The following NUDT1 variants were observed in gnomAD, a reference collection of about 807,000 sequenced individuals.
NUDT1 encodes the protein nudix hydrolase 1.
NUDT1 carries 16 observed loss-of-function variants against 11.3 expected under a neutral mutation model. The ratio of observed to expected loss-of-function variants is 1.41; its 90% CI spans 0.96 to 2.15. The LOEUF is 2.15. Ranked by LOEUF, NUDT1 falls within the 30% of genes most tolerant of loss-of-function variation. The pLI, the probability that NUDT1 is intolerant of heterozygous loss-of-function variation, is 0.00. For missense variants in NUDT1, 234 were observed against 208.4 expected (o/e 1.12, Z -0.76); for synonymous variants, 101 against 84.4 (o/e 1.20, Z -1.08).
chr7:2,248,799 T>C (rs1386218242), intron 2 of NUDT1, among the ~76,000 whole-genome samples: 2 of 152,098 alleles, frequency 1.3e-5, no homozygotes, highest in Non-Finnish European at 2.9e-5. Context: ...CAATCAATCC[T>C]CCCACCTTGG....
In NUDT1 at chr7:2,244,657, G is replaced by C; in HGVS notation, c.83G>C (p.Gly28Ala). The part of the protein sequence containing the change: ...VLLGMKKRGF[G>A]AGRWNGFGGK... ...CTGGGCATGAAAAAGCGAGGCTTCGGGGCCGGCCGGTGGAATGGCTTTGGG... is the reference window on the plus strand; with the variant it reads ...CTGGGCATGAAAAAGCGAGGCTTCGCGGCCGGCCGGTGGAATGGCTTTGGG... The change falls in exon 2 of 4, where the codon GGG (glycine) becomes GCG (alanine). Residue 28 changes from glycine (G) to alanine (A), a missense_variant. Physicochemically the swap from Gly to Ala is moderately conservative, Grantham distance 60. Transcript: ENST00000356714. 6.2e-7 allele frequency: 1 copy of C among 1,613,908 alleles called. No individual in the cohort carries two copies. Among genetic ancestry groups the C allele is most frequent in the Non-Finnish European group, 8.5e-7 (1 of 1,179,930 alleles).
At position 2,249,984 on chromosome 7, in the gene NUDT1, AC is replaced by A. The variant is rs775493463; in HGVS notation, c.285del (p.Val96TrpfsTer76). On this transcript the variant is annotated frameshift_variant, in exon 3 of 4. Transcript: ENST00000356714. LOFTEE classifies it low-confidence loss of function (END_TRUNC). ...HVFCTDSIQG[T>X]PVESDEMRPC... is the part of the protein sequence containing the mutation. ...CTTCTGCACAGACAGCATCCAGGGG[AC>A]CCCCGTGGAGAGCGACGGTGAGTCT... The A allele has an allele frequency of 1.4e-5, 22 of 1,613,266 alleles. No homozygotes were observed. Among genetic ancestry groups the A allele is most frequent in the Admixed American group, 8.3e-5 (5 of 59,920 alleles).
chr7:2,244,946 C>T (rs34510418), intron 2 of NUDT1, among the ~76,000 whole-genome samples: 71 of 152,314 alleles, frequency 4.7e-4, no homozygotes, highest in African/African-American at 1.7e-3. Context: ...GGACTTAGAA[C>T]GGTGCGCGGT....
rs373334096 is a variant in NUDT1, at chr7:2,250,624, AT to A, written c.299-198del. Among the ~76,000 whole-genome samples, 8 of 151,498 alleles carry A rather than the reference AT, an allele frequency of 5.3e-5. No homozygotes were observed. In the East Asian group the frequency reaches 7.8e-4, roughly 15 times the overall value. The stretch of plus-strand genomic sequence containing the variant: ...AGGCGCCCGCCACCACGCCCGGCTA[AT>A]TTTTTTGTATTTTTAGTAGAGACGG... On this transcript the variant is annotated intron_variant, in intron 3 of 3. Transcript: ENST00000356714.
chr7:2,247,659 C>G (rs1794824029), intron 2 of NUDT1, among the ~76,000 whole-genome samples: 1 of 152,212 alleles, frequency 6.6e-6, no homozygotes, highest in Non-Finnish European at 1.5e-5. Flanking sequence ...AACCGAGTGC[C>G]ATGGACAGAG....
chr7:2,242,689 G>A lies in NUDT1; in HGVS notation c.-13+433G>A. The A allele has an allele frequency of 7.2e-6, 3 of 416,012 alleles. No individual in the cohort carries two copies. The East Asian group carries it at 1.3e-4, about 17-fold the overall frequency. 25.8% of individuals were successfully genotyped at this position (416,012 alleles called of 1,614,324 possible). A position where few individuals can be genotyped will look rare whatever the true frequency, so the allele number is the denominator to read the frequency against. On this transcript the variant is annotated intron_variant, in intron 1 of 3. Transcript: ENST00000356714. ...TCCTCGAAGGGCGTGCGATGAGGAT[G>A]TGGCTCACTTCTTCAGTGCCCCGCT... is the stretch of plus-strand genomic sequence containing the variant.
chr7:2,247,918 G>C (rs998967499), intron 2 of NUDT1: 10 of 152,248 alleles, frequency 6.6e-5, no homozygotes, highest in African/African-American at 2.4e-4. Context: ...TAACTGGGGA[G>C]CCATTTATAC....
chr7:2,246,808 G>A (rs1345551595), intron 2 of NUDT1, among the ~76,000 whole-genome samples: 1 of 152,150 alleles, frequency 6.6e-6, no homozygotes, highest in African/African-American at 2.4e-5. Context: ...TGGAGACGGG[G>A]GTTTCACCAT....
intron 2 of NUDT1, among the ~76,000 whole-genome samples, chr7:2,246,750 C>A (rs1794781550): frequency 6.6e-6 from 1 of 152,148 alleles, no homozygotes; most frequent in African/African-American, 2.4e-5. Flanking sequence ...AGGGGGGGAA[C>A]TGAGGCACAG....
At position 2,249,965 on chromosome 7, in the gene NUDT1, C is replaced by G; in HGVS notation, c.261C>G (p.Cys87Trp). ...EPELMDVHVF[C>W]TDSIQGTPVE... The stretch of plus-strand genomic sequence containing the variant: ...AGCTCATGGACGTGCATGTCTTCTG[C>G]ACAGACAGCATCCAGGGGACCCCCG... The change falls in exon 3 of 4, where the codon TGC (cysteine) becomes TGG (tryptophan). Residue 87 changes from cysteine to tryptophan, a missense_variant. Coordinates refer to ENST00000356714, the MANE Select transcript of NUDT1 (RefSeq NM_002452.4). 11 of 1,614,190 alleles carry G rather than the reference C, an allele frequency of 6.8e-6. No individual in the cohort carries two copies. The highest frequency in any genetic ancestry group is 9.3e-6 in the Non-Finnish European group (11 of 1,180,042).
chr7:2,244,425 C>G, intron 1 of NUDT1, 138 bp from the exon 2 acceptor site: 5 of 819,040 alleles, frequency 6.1e-6, no homozygotes, highest in Non-Finnish European at 9.3e-6. Flanking sequence ...GGAAGCCACA[C>G]GTGGCAGGGC....
chr7:2,249,071 C>G (rs907819318), intron 2 of NUDT1, among the ~76,000 whole-genome samples: 1 of 152,244 alleles, frequency 6.6e-6, no homozygotes, highest in African/African-American at 2.4e-5. Context: ...AAACCTGGCT[C>G]TGTGTGCCAC....
At chr7:2,248,333 C>T (rs1045214571) in intron 2 of NUDT1, among the ~76,000 whole-genome samples, 1 of 152,138 alleles carries the variant, frequency 6.6e-6, no homozygotes, top group African/African-American at 2.4e-5. Context: ...GAGCAAGAAC[C>T]CGACTGAGCA....
At chr7:2,243,045 G>A (rs1315683063) in intron 1 of NUDT1, 1 of 716,810 alleles carries the variant, frequency 1.4e-6, no homozygotes, top group Non-Finnish European at 2.6e-6. Context: ...GTTGGAGTGG[G>A]AAGGTGATTT....
At position 2,242,236 on chromosome 7, in the gene NUDT1, C is replaced by A. The variant is rs930972109; in HGVS notation, c.-33C>A. ...GCCTCACTTCCGGTCAGAGGCCACG[C>A]CCCCGGAAGCGGCGGTGCAGGTACG... On this transcript the variant is annotated 5_prime_UTR_variant, in exon 1 of 4. Transcript: ENST00000356714. 51 of 1,479,484 alleles carry A rather than the reference C, an allele frequency of 3.4e-5. No homozygotes were observed. Among genetic ancestry groups the A allele is most frequent in the Non-Finnish European group, 4.1e-5 (46 of 1,113,228 alleles). 91.6% of individuals were successfully genotyped at this position (1,479,484 alleles called of 1,614,324 possible).
chr7:2,244,754 A>G, intron 2 of NUDT1, 28 bp downstream of exon 2: 1 of 1,593,018 alleles, frequency 6.3e-7, no homozygotes, highest in Non-Finnish European at 8.5e-7. Flanking sequence ...CTGGCCATAG[A>G]ACCGGCTTTC....
intron 2 of NUDT1, among the ~76,000 whole-genome samples, chr7:2,245,662 G>C (rs1794740799): frequency 6.6e-6 from 1 of 152,022 alleles, no homozygotes; most frequent in African/African-American, 2.4e-5. Context: ...GGGCTCAAAC[G>C]ATCCTCCTGC....
chr7:2,251,003 G>T lies in NUDT1; in HGVS notation c.*2G>T. 6.2e-7 allele frequency: 1 copy of T among 1,613,738 alleles called. No individual in the cohort carries two copies. ...CTCCGCGAGGTGGACACGGTCTAGC[G>T]GGAGCCCAGGGCAGCCCCTGGGCAG... On this transcript the variant is annotated 3_prime_UTR_variant, in exon 4 of 4. Coordinates refer to ENST00000356714, the MANE Select transcript of NUDT1 (RefSeq NM_002452.4).
Position 2,247,673 on chromosome 7 carries a change from A to T in NUDT1, c.153-2184A>T, listed in dbSNP as rs1012709941. Among the ~76,000 whole-genome samples, 10 of 152,338 alleles carry T rather than the reference A, an allele frequency of 6.6e-5. No homozygotes were observed. The South Asian group carries it at 8.3e-4, about 13-fold the overall frequency. ...GAACCGAGTGCCATGGACAGAGCAG[A>T]CACTTGGGCAGAACTGAACAGCGTC... On this transcript the variant is annotated intron_variant, in intron 2 of 3. Coordinates refer to ENST00000356714, the MANE Select transcript of NUDT1 (RefSeq NM_002452.4).
Sources: gnomAD v4.1 joint callset for allele counts (sites outside exome capture counted in the v4.1 genomes callset) on GRCh38, gnomAD v4.1.1 for gene constraint, MANE v1.5 for transcripts, NCBI Gene and HGNC (gene_info 2026-07-23, HGNC 2026-07-21) for gene names.